NRXN1: variants seen among roughly 807,000 people sequenced by gnomAD.
The protein encoded by NRXN1 is neurexin-1.
A neutral mutation model predicts 150.9 loss-of-function variants in NRXN1; 39 were observed. That is an observed-to-expected ratio of 0.26 (90% CI 0.20 to 0.34). The LOEUF (loss-of-function observed/expected upper bound fraction) is 0.34. Among genes scored for constraint, NRXN1 ranks in the 10% least tolerant of loss-of-function variants. NRXN1 has a pLI of 1.00. For synonymous variants in NRXN1, 924 were observed against 757.0 expected (o/e 1.22, Z -3.62); for missense variants, 1,815 against 1,949.9 (o/e 0.93, Z 1.30).
At chr2:50,072,323 T>A (rs1696404264) in intron 19 of NRXN1, among the ~76,000 whole-genome samples, 1 of 152,168 alleles carries the variant, frequency 6.6e-6, no homozygotes, top group South Asian at 2.1e-4. Flanking sequence ...CAACTCTGCA[T>A]AAGACAAATC....
intron 5 of NRXN1, chr2:50,631,293 A>G: frequency 3.3e-6 from 1 of 300,396 alleles, no homozygotes; most frequent in South Asian, 3.0e-5. Context: ...CTCGAGACCA[A>G]TCCAGAAATA....
chr2:50,524,323 A>G (rs1037031216), intron 12 of NRXN1, among the ~76,000 whole-genome samples: 6 of 152,054 alleles, frequency 3.9e-5, no homozygotes, highest in Admixed American at 3.3e-4. Flanking sequence ...TACTAAAAAT[A>G]CAAAAATTAG....
chr2:49,955,138 T>G (rs1674698099), intron 21 of NRXN1, among the ~76,000 whole-genome samples: 1 of 152,156 alleles, frequency 6.6e-6, no homozygotes, highest in Non-Finnish European at 1.5e-5. Flanking sequence ...ATAATCTTAC[T>G]CTTGATGGTC....
chr2:50,115,140 C>T (rs750877870), intron 18 of NRXN1, among the ~76,000 whole-genome samples: 4 of 147,442 alleles, frequency 2.7e-5, no homozygotes, highest in Non-Finnish European at 5.9e-5. Flanking sequence ...TTTGTAATTT[C>T]GCTCAATTTT....
In NRXN1 at chr2:50,091,506, G is replaced by C; in HGVS notation, c.3547-12C>G. 6.2e-7 allele frequency: 1 copy of C among 1,613,724 alleles called. No individual in the cohort carries two copies. On this transcript the variant is annotated splice_polypyrimidine_tract_variant and intron_variant, in intron 18 of 22. Coordinates refer to ENST00000401669, the MANE Select transcript of NRXN1 (RefSeq NM_001330078.2). Reference sequence around the variant, plus strand: ...ATTTTTCCCTGGTGCTGTAAGAGAGGAGGGGAAAAAAGAGTTGAATTAAGT... The same window carrying C: ...ATTTTTCCCTGGTGCTGTAAGAGAGCAGGGGAAAAAAGAGTTGAATTAAGT...
At chr2:49,947,511 TTTC>T (rs1673147409) in intron 21 of NRXN1, among the ~76,000 whole-genome samples, 2 of 145,244 alleles carry the variant, frequency 1.4e-5, no homozygotes, top group Non-Finnish European at 3.0e-5. Context: ...TTCTTTTTTT[TTTC>T]TTTTTTTTTT....
chr2:50,521,539 G>A (rs2092788816), intron 12 of NRXN1, among the ~76,000 whole-genome samples: 1 of 152,080 alleles, frequency 6.6e-6, no homozygotes, highest in African/African-American at 2.4e-5. Context: ...TTGTTAATAA[G>A]TAAAAGAAGT....
In NRXN1 at chr2:49,934,625, A is replaced by T. The variant is rs147457471; in HGVS notation, c.4216+9079T>A. Among the ~76,000 whole-genome samples the T allele has an allele frequency of 2.7e-3, 418 of 152,300 alleles. 2 individuals are homozygous for T. The highest frequency in any genetic ancestry group is 9.6e-3 in the African/African-American group (401 of 41,560). On this transcript the variant is annotated intron_variant, in intron 22 of 22. Transcript: ENST00000401669. ...TGAGCCCATTAGAGGGAAGTGTGTC[A>T]AGTCTAGCATTAGGAAATACGAAAG...
intron 5 of NRXN1, among the ~76,000 whole-genome samples, chr2:50,793,248 A>G (rs951374119): frequency 6.6e-6 from 1 of 152,130 alleles, no homozygotes; most frequent in African/African-American, 2.4e-5. Flanking sequence ...AGTTAATGGT[A>G]TAAGTAAAAC....
chr2:50,005,213 C>T (rs998022046), intron 21 of NRXN1, among the ~76,000 whole-genome samples: 10 of 152,056 alleles, frequency 6.6e-5, no homozygotes, highest in Admixed American at 1.3e-4. Flanking sequence ...CTTATAACTA[C>T]ACACTAGGAA....
At chr2:50,648,867 AT>A (rs1358273620) in intron 5 of NRXN1, among the ~76,000 whole-genome samples, 1 of 151,958 alleles carries the variant, frequency 6.6e-6, no homozygotes, top group African/African-American at 2.4e-5. Flanking sequence ...TGGCCCTTCT[AT>A]TTGTAGGTCC....
chr2:50,824,640 T>C (rs1400999181), intron 5 of NRXN1, among the ~76,000 whole-genome samples: 1 of 152,172 alleles, frequency 6.6e-6, no homozygotes, highest in African/African-American at 2.4e-5. Flanking sequence ...AGAGGCATAG[T>C]CAAAGGTTAG....
At chr2:50,294,801 T>G (rs1057016258) in intron 17 of NRXN1, among the ~76,000 whole-genome samples, 1 of 152,188 alleles carries the variant, frequency 6.6e-6, no homozygotes. Flanking sequence ...GACACAGGAA[T>G]AATGGATCTG....
At chr2:50,288,169 C>A (rs77756748) in intron 17 of NRXN1, among the ~76,000 whole-genome samples, 2,950 of 152,196 alleles carry the variant, frequency 0.019, 94 homozygotes, top group African/African-American at 0.068. Flanking sequence ...TTACTGAACA[C>A]CAATTTTCTA....
intron 2 of NRXN1, among the ~76,000 whole-genome samples, chr2:50,999,970 T>G (rs1699827295): frequency 6.6e-6 from 1 of 152,024 alleles, no homozygotes; most frequent in African/African-American, 2.4e-5. Flanking sequence ...CAAATACAAA[T>G]GATTTTCTGT....
At chr2:49,963,081 T>C (rs901506520) in intron 21 of NRXN1, among the ~76,000 whole-genome samples, 1 of 152,210 alleles carries the variant, frequency 6.6e-6, no homozygotes, top group Non-Finnish European at 1.5e-5. Flanking sequence ...ATCCCGAGGA[T>C]GCTGCCATTT....
intron 15 of NRXN1, among the ~76,000 whole-genome samples, chr2:50,489,880 A>G (rs977242412): frequency 7.1e-6 from 1 of 141,680 alleles, no homozygotes; most frequent in African/African-American, 3.2e-5. Context: ...AGCAGGTCCC[A>G]GATAACTGCA....
At chr2:50,164,304 T>C (rs905604804) in intron 18 of NRXN1, among the ~76,000 whole-genome samples, 3 of 152,182 alleles carry the variant, frequency 2.0e-5, no homozygotes, top group Non-Finnish European at 4.4e-5. Context: ...AATGATTTAG[T>C]TTGACACAAC....
intron 17 of NRXN1, among the ~76,000 whole-genome samples, chr2:50,316,673 A>G (rs946079553): frequency 6.6e-6 from 1 of 152,084 alleles, no homozygotes; most frequent in Non-Finnish European, 1.5e-5. Flanking sequence ...TCTGCTGGAG[A>G]TAGTAAGGTA....
Sources: gnomAD v4.1 joint callset for allele counts (sites outside exome capture counted in the v4.1 genomes callset) on GRCh38, gnomAD v4.1.1 for gene constraint, MANE v1.5 for transcripts, NCBI Gene and HGNC (gene_info 2026-07-23, HGNC 2026-07-21) for gene names.